Variants in RBM25 observed in about 807,000 individuals in gnomAD.
RBM25 encodes RNA-binding protein 25.
RBM25 carries 19 observed loss-of-function variants against 120.7 expected under a neutral mutation model. The ratio of observed to expected loss-of-function variants is 0.16; its 90% CI spans 0.11 to 0.23. RBM25 has a LOEUF of 0.23. Among genes scored for constraint, RBM25 ranks in the 10% least tolerant of loss-of-function variants. The probability of loss-of-function intolerance (pLI) is 1.00; values close to 1 mark genes in which losing one functional copy is unlikely to be tolerated. For synonymous variants in RBM25, 390 were observed against 326.7 expected, an observed-to-expected ratio of 1.19 and a Z score of -2.09; for missense variants, 605 against 1,041.5, an observed-to-expected ratio of 0.58 and a Z score of 5.77.
In RBM25 at chr14:73,121,830, T is replaced by C. The variant is rs546523485; in HGVS notation, c.*2025T>C. On this transcript the variant is annotated 3_prime_UTR_variant, in exon 19 of 19. Coordinates refer to ENST00000261973, the MANE Select transcript of RBM25 (RefSeq NM_021239.3). Reference sequence around the variant, plus strand: ...AGGGAGATGTCGTAATCTGAAACCTTTGGGGAGATGTACTCTGTACTGCAT... The same window carrying C: ...AGGGAGATGTCGTAATCTGAAACCTCTGGGGAGATGTACTCTGTACTGCAT... 6.6e-6 allele frequency: 1 copy of C among 152,306 alleles called. No individual in the cohort carries two copies. The highest frequency in any genetic ancestry group is 2.4e-5 in the African/African-American group (1 of 41,558). The allele number at this position is 152,306 out of a possible 1,614,324, so 9.4% of individuals were successfully genotyped here.
chr14:73,092,414 G>A (rs1895839233), intron 6 of RBM25, among the ~76,000 whole-genome samples: 1 of 152,076 alleles, frequency 6.6e-6, no homozygotes, highest in South Asian at 2.1e-4. Flanking sequence ...ATAGGAGAAT[G>A]AGACATTGAA....
intron 1 of RBM25, among the ~76,000 whole-genome samples, chr14:73,067,835 G>A (rs1194731902): frequency 6.6e-5 from 10 of 151,362 alleles, no homozygotes; most frequent in East Asian, 3.9e-4. Flanking sequence ...TCCTGACCTC[G>A]TGATCCACCC....
At chr14:73,103,979 C>T (rs1896121995) in intron 10 of RBM25, among the ~76,000 whole-genome samples, 2 of 148,398 alleles carry the variant, frequency 1.3e-5, no homozygotes. Flanking sequence ...CACACACACA[C>T]ACACACACAC....
intron 1 of RBM25, among the ~76,000 whole-genome samples, chr14:73,063,556 C>T (rs1198451161): frequency 6.6e-6 from 1 of 151,426 alleles, no homozygotes; most frequent in East Asian, 1.9e-4. Context: ...CATAAGATAA[C>T]TCTGCATTTC....
At chr14:73,089,567 C>A (rs1895763637) in intron 6 of RBM25, among the ~76,000 whole-genome samples, 1 of 152,138 alleles carries the variant, frequency 6.6e-6, no homozygotes. Context: ...GTTGGCCAGG[C>A]TGGTCTCGAA....
intron 1 of RBM25, among the ~76,000 whole-genome samples, chr14:73,065,343 G>C (rs1046990572): frequency 6.6e-6 from 1 of 152,106 alleles, no homozygotes; most frequent in Admixed American, 6.6e-5. Flanking sequence ...GGCCGGGCTG[G>C]TCTCCAACTC....
intron 4 of RBM25, 141 bp downstream of exon 4, chr14:73,077,677 C>A: frequency 1.4e-6 from 1 of 716,600 alleles, no homozygotes; most frequent in Non-Finnish European, 2.2e-6. Flanking sequence ...GTACAGTGAA[C>A]ACGTTTGTAT....
chr14:73,106,371 G>T, intron 12 of RBM25, 86 bp downstream of exon 12: 1 of 1,063,972 alleles, frequency 9.4e-7, no homozygotes, highest in South Asian at 2.1e-5. Flanking sequence ...CTTAATAATT[G>T]AAATGCACAA....
chr14:73,079,513 T>C (rs1409631029), intron 4 of RBM25, among the ~76,000 whole-genome samples: 1 of 150,590 alleles, frequency 6.6e-6, no homozygotes, highest in Non-Finnish European at 1.5e-5. Context: ...CCCAGAATCT[T>C]GTGTAGGTTC....
intron 1 of RBM25, among the ~76,000 whole-genome samples, chr14:73,069,360 G>A (rs1357217385): frequency 6.6e-6 from 1 of 152,192 alleles, no homozygotes; most frequent in African/African-American, 2.4e-5. Flanking sequence ...GGGATTGGGG[G>A]CAAGGAAGTG....
chr14:73,060,284 G>A (rs1208089795), intron 1 of RBM25, among the ~76,000 whole-genome samples: 2 of 151,330 alleles, frequency 1.3e-5, no homozygotes, highest in South Asian at 2.1e-4. Flanking sequence ...TGATCCGCCC[G>A]CCTAGGCCCC....
intron 3 of RBM25, 44 bp downstream of exon 3, chr14:73,076,412 A>G (rs769225976): frequency 6.6e-7 from 1 of 1,514,178 alleles, no homozygotes; most frequent in Non-Finnish European, 9.2e-7. Context: ...TGGTAGTGCT[A>G]GTGCTTTTAA....
At chr14:73,077,102 T>C (rs536381882) in intron 3 of RBM25, among the ~76,000 whole-genome samples, 29 of 152,284 alleles carry the variant, frequency 1.9e-4, no homozygotes, top group Admixed American at 1.5e-3. Flanking sequence ...GTAAAAATTA[T>C]GTCTTAAACA....
intron 10 of RBM25, among the ~76,000 whole-genome samples, chr14:73,103,905 GTCTCTCTCTCTCTCTCTCTCTCTCTC>G (rs72346306): frequency 2.2e-5 from 2 of 91,662 alleles, no homozygotes; most frequent in African/African-American, 7.6e-5. Flanking sequence ...CTGTCTGTCT[GTCTCTCTCTCTCTCTCTCTCTCTCTC>G]TCTCTCTCTC....
intron 3 of RBM25, among the ~76,000 whole-genome samples, chr14:73,076,876 T>G (rs1895434285): frequency 6.6e-6 from 1 of 152,234 alleles, no homozygotes; most frequent in African/African-American, 2.4e-5. Context: ...GGCCAGGAGT[T>G]CAAGACTAGC....
chr14:73,098,581 A>G (rs1350082805), intron 7 of RBM25, among the ~76,000 whole-genome samples: 1 of 152,134 alleles, frequency 6.6e-6, no homozygotes, highest in Non-Finnish European at 1.5e-5. Flanking sequence ...GGCCAGATAC[A>G]TACATTTTTA....
At chr14:73,085,043 A>G (rs888097208) in intron 5 of RBM25, among the ~76,000 whole-genome samples, 3 of 151,564 alleles carry the variant, frequency 2.0e-5, no homozygotes, top group African/African-American at 4.9e-5. Flanking sequence ...TTTTTGAGAC[A>G]GAGTCTTGTT....
At chr14:73,066,733 T>C (rs1458828248) in intron 1 of RBM25, among the ~76,000 whole-genome samples, 2 of 152,098 alleles carry the variant, frequency 1.3e-5, no homozygotes, top group Non-Finnish European at 1.5e-5. Flanking sequence ...TTTTCTGAAA[T>C]TGAAGTTTAG....
Position 73,123,356 on chromosome 14 carries a change from CA to C in RBM25, c.*3552del, listed in dbSNP as rs1385298518. 2 of 152,032 alleles carry C rather than the reference CA, an allele frequency of 1.3e-5. No homozygotes were observed. The highest frequency in any genetic ancestry group is 2.9e-5 in the Non-Finnish European group (2 of 67,996). 9.4% of individuals were successfully genotyped at this position (152,032 alleles called of 1,614,324 possible). A position where few individuals can be genotyped will look rare whatever the true frequency, so the allele number is the denominator to read the frequency against. On this transcript the variant is annotated 3_prime_UTR_variant, in exon 19 of 19. Coordinates refer to ENST00000261973, the MANE Select transcript of RBM25 (RefSeq NM_021239.3). The stretch of plus-strand genomic sequence containing the variant: ...GGCTTATTTTCCCAACTCTTTTTAA[CA>C]GGTTTTATGATATCCCCAATTTATA...
Sources: allele counts gnomAD v4.1 joint callset (sites outside exome capture counted in the v4.1 genomes callset), GRCh38; gene constraint gnomAD v4.1.1; transcripts MANE v1.5; gene names NCBI Gene and HGNC (gene_info 2026-07-23, HGNC 2026-07-21).